Variants in LRCH3 observed in about 807,000 individuals in gnomAD.
LRCH3 encodes leucine rich repeats and calponin homology domain containing 3.
A neutral mutation model predicts 104.5 loss-of-function variants in LRCH3; 68 were observed. The ratio of observed to expected loss-of-function variants is 0.65; its 90% CI spans 0.54 to 0.80. The LOEUF (loss-of-function observed/expected upper bound fraction) is 0.80, where lower values mean the gene tolerates loss of function less well. Among genes scored for constraint, LRCH3 ranks in the 30% least tolerant of loss-of-function variants. LRCH3 has a pLI of 0.00. For synonymous variants in LRCH3, 344 were observed against 361.3 expected (o/e 0.95, Z 0.54); for missense variants, 951 against 953.9 (o/e 1.00, Z 0.04).
At chr3:197,857,449 T>A (rs1398529330) in intron 14 of LRCH3, among the ~76,000 whole-genome samples, 4 of 146,838 alleles carry the variant, frequency 2.7e-5, no homozygotes, top group African/African-American at 1.0e-4. Context: ...AATATCAGTT[T>A]ACACTGACAT....
intron 9 of LRCH3, among the ~76,000 whole-genome samples, chr3:197,836,990 C>CT (rs966875275): frequency 3.3e-5 from 5 of 151,894 alleles, no homozygotes; most frequent in Non-Finnish European, 7.4e-5. Context: ...TATTATCATT[C>CT]TTTTTTTTAA....
intron 20 of LRCH3, chr3:197,876,489 T>TTA (rs1194199208): frequency 6.6e-6 from 1 of 152,238 alleles, no homozygotes; most frequent in Non-Finnish European, 1.5e-5. Context: ...GAAATGAACT[T>TTA]GATACAGTCT....
chr3:197,811,222 A>C (rs1733088277), intron 1 of LRCH3, among the ~76,000 whole-genome samples: 1 of 152,158 alleles, frequency 6.6e-6, no homozygotes, highest in African/African-American at 2.4e-5. Context: ...GCTATCAAAT[A>C]ATATTTTAAA....
chr3:197,832,976 C>T lies in LRCH3; in HGVS notation c.1102+659C>T, dbSNP rs534485248. Among the ~76,000 whole-genome samples the T allele has an allele frequency of 7.9e-5, 12 of 152,170 alleles. 1 individual carries two copies. The South Asian group carries it at 2.1e-3, about 26-fold the overall frequency. On this transcript the variant is annotated intron_variant, in intron 8 of 20. Coordinates refer to ENST00000425562, the MANE Select transcript of LRCH3 (RefSeq NM_001365715.1). The stretch of plus-strand genomic sequence containing the variant: ...ACTTTGATTTTCCAGAAACCTATTG[C>T]TTATCCGAGGAGAGCTTTCATTTCT...
intron 1 of LRCH3, among the ~76,000 whole-genome samples, chr3:197,802,933 A>C (rs904292134): frequency 2.0e-5 from 3 of 152,206 alleles, no homozygotes; most frequent in Non-Finnish European, 4.4e-5. Flanking sequence ...CAATCAGAAC[A>C]TTCTCAAGGA....
Position 197,883,384 on chromosome 3 carries a change from A to G in LRCH3, c.2209-157A>G, listed in dbSNP as rs1713954950. 2 of 1,400,888 alleles carry G rather than the reference A, an allele frequency of 1.4e-6. No individual in the cohort carries two copies. The highest frequency in any genetic ancestry group is 1.9e-6 in the Non-Finnish European group (2 of 1,074,582). 86.8% of individuals were successfully genotyped at this position (1,400,888 alleles called of 1,614,324 possible). ...AGTGAGTGTCAGACACCATCTCTCT[A>G]ACTCATATTTACACTGAGGTCAGTT... On this transcript the variant is annotated intron_variant, in intron 20 of 20. Transcript: ENST00000425562. This position sits in a 1 kb window ranked among gnomAD's most constrained non-coding sequence, Gnocchi z 4.2.
intron 4 of LRCH3, 51 bp downstream of exon 4, chr3:197,820,481 A>G (rs1400265375): frequency 7.9e-7 from 1 of 1,268,602 alleles, no homozygotes; most frequent in Non-Finnish European, 1.1e-6. Context: ...TATTATTTTA[A>G]AGCTCTCTCA....
chr3:197,804,400 C>G (rs1732242939), intron 1 of LRCH3, among the ~76,000 whole-genome samples: 1 of 152,108 alleles, frequency 6.6e-6, no homozygotes, highest in South Asian at 2.1e-4. Flanking sequence ...TTAGCAAGTC[C>G]TTTTAGACTG....
chr3:197,838,692 A>G (rs1256860091), intron 9 of LRCH3, among the ~76,000 whole-genome samples: 3 of 152,172 alleles, frequency 2.0e-5, no homozygotes, highest in African/African-American at 7.2e-5. Flanking sequence ...TTCCTCAGTA[A>G]TACTTTTTGA....
rs560536434 is a variant in LRCH3, at chr3:197,833,664, G to T, written c.1102+1347G>T. ...TAGTAATATTTTGCATTGATTATAT[G>T]TTGAAGTGATATTTAGACATATTAG... On this transcript the variant is annotated intron_variant, in intron 8 of 20. Transcript: ENST00000425562. 2.4e-4 allele frequency among the ~76,000 whole-genome samples: 36 copies of T among 152,212 alleles called. No individual in the cohort carries two copies. The South Asian group carries it at 6.2e-3, about 26-fold the overall frequency.
chr3:197,861,603 T>C (rs987522066), intron 15 of LRCH3, among the ~76,000 whole-genome samples: 10 of 152,224 alleles, frequency 6.6e-5, no homozygotes, highest in African/African-American at 2.4e-4. Flanking sequence ...AAATTATTAT[T>C]TTAAAAGATT....
chr3:197,797,891 A>C (rs1474216232), intron 1 of LRCH3, among the ~76,000 whole-genome samples: 1 of 146,062 alleles, frequency 6.8e-6, no homozygotes, highest in African/African-American at 2.7e-5. Flanking sequence ...AACAAAAAAA[A>C]AAACAAAACC....
chr3:197,850,676 G>T, intron 12 of LRCH3: 3 of 1,504,116 alleles, frequency 2.0e-6, no homozygotes, highest in Non-Finnish European at 2.8e-6. Context: ...TTTTAAGCAC[G>T]TGCAGCAAAA....
At chr3:197,845,528 A>G (rs560867911) in intron 10 of LRCH3, among the ~76,000 whole-genome samples, 1 of 151,580 alleles carries the variant, frequency 6.6e-6, no homozygotes, top group Admixed American at 6.6e-5. Context: ...TTTTCGGGGG[A>G]GGGTGCTACT....
In LRCH3 at chr3:197,824,329, C is replaced by T. The variant is rs190346356; in HGVS notation, c.641-2549C>T. Among the ~76,000 whole-genome samples, 1,176 of 148,058 alleles carry T rather than the reference C, an allele frequency of 7.9e-3. 21 individuals carry two copies. The highest frequency in any genetic ancestry group is 0.027 in the African/African-American group (1,106 of 40,358). On this transcript the variant is annotated intron_variant, in intron 4 of 20. Transcript: ENST00000425562. ...CCACCCGCCTTGGCCTCCCAAAGTG[C>T]TGGGATTACAGGCGTGAGCCACCAC...
chr3:197,838,545 ATTTTGATGATTATTTTTGGTGTTG>A (rs1439001058), intron 9 of LRCH3, among the ~76,000 whole-genome samples: 1 of 152,160 alleles, frequency 6.6e-6, no homozygotes, highest in African/African-American at 2.4e-5. Context: ...ATGAATAACC[ATTTTGATGATTATTTTTGGTGTTG>A]AAACAAGATT....
chr3:197,833,365 G>GAAAAAAAAAAAAAAAAAAAA (rs71166710), intron 8 of LRCH3, among the ~76,000 whole-genome samples: 1 of 33,338 alleles, frequency 3.0e-5, no homozygotes, highest in Admixed American at 5.4e-4. Flanking sequence ...ACTAAAAACC[G>GAAAAAAAAAAAAAAAAAAAA]AAAAAAAAAA....
intron 4 of LRCH3, among the ~76,000 whole-genome samples, chr3:197,825,771 G>A (rs772865964): frequency 2.0e-5 from 3 of 151,916 alleles, no homozygotes; most frequent in East Asian, 1.9e-4. Flanking sequence ...GAGCCACCGC[G>A]CCCAGCTGAT....
intron 9 of LRCH3, among the ~76,000 whole-genome samples, chr3:197,836,785 G>C (rs1580727907): frequency 1.3e-5 from 2 of 152,260 alleles, no homozygotes; most frequent in East Asian, 3.9e-4. Flanking sequence ...TCAAGTGATT[G>C]TCCTTCCTCA....
Sources: allele counts gnomAD v4.1 joint callset (sites outside exome capture counted in the v4.1 genomes callset), GRCh38; gene constraint gnomAD v4.1.1; non-coding constraint Gnocchi (gnomAD v3.1); transcripts MANE v1.5; gene names NCBI Gene and HGNC (gene_info 2026-07-23, HGNC 2026-07-21).